Variants in MORN1 observed in about 807,000 individuals in gnomAD.
The protein encoded by MORN1 is MORN repeat-containing protein 1.
A neutral mutation model predicts 61.9 loss-of-function variants in MORN1; 67 were observed. That is an observed-to-expected ratio of 1.08 (90% CI 0.89 to 1.33). The LOEUF (loss-of-function observed/expected upper bound fraction) is 1.33. Ranked by LOEUF, MORN1 falls within the 40% of genes most tolerant of loss-of-function variation. MORN1 has a pLI of 0.00. For synonymous variants in MORN1, 301 were observed against 292.0 expected (o/e 1.03, Z -0.31); for missense variants, 752 against 691.2 (o/e 1.09, Z -0.99).
chr1:2,378,689 G>T (rs781620650), intron 6 of MORN1: 16 of 343,552 alleles, frequency 4.7e-5, no homozygotes, highest in Non-Finnish European at 8.0e-5. Context: ...ACACTCTGAT[G>T]TGCACACACA....
chr1:2,336,411 G>T, intron 12 of MORN1, 58 bp downstream of exon 12: 1 of 1,549,562 alleles, frequency 6.5e-7, no homozygotes, highest in Non-Finnish European at 8.8e-7. Context: ...TGGCCCAGCT[G>T]ATGAGGAGGC....
At chr1:2,336,400 C>G in intron 12 of MORN1, 69 bp downstream of exon 12, 1 of 1,508,822 alleles carries the variant, frequency 6.6e-7, no homozygotes, top group South Asian at 1.2e-5. Context: ...CCCCGTCCTC[C>G]TGGCCCAGCT....
At chr1:2,326,048 T>G (rs1312416388) in intron 12 of MORN1, among the ~76,000 whole-genome samples, 1 of 152,154 alleles carries the variant, frequency 6.6e-6, no homozygotes, top group Non-Finnish European at 1.5e-5. Flanking sequence ...CCCGCCGTCC[T>G]GCCCGCTGTG....
intron 13 of MORN1, 123 bp from the exon 14 acceptor site, chr1:2,321,702 G>C: frequency 7.8e-7 from 1 of 1,284,602 alleles, no homozygotes; most frequent in Non-Finnish European, 1.0e-6. Context: ...GGTCATCTCT[G>C]CCTGGGTTCT....
chr1:2,356,242 G>A (rs1366784019), intron 10 of MORN1, among the ~76,000 whole-genome samples: 1 of 152,200 alleles, frequency 6.6e-6, no homozygotes, highest in African/African-American at 2.4e-5. Context: ...GCTGGGCAGG[G>A]ACATGGCAGG....
At chr1:2,363,811 A>AAT (rs57880730) in intron 8 of MORN1, among the ~76,000 whole-genome samples, 11 of 135,136 alleles carry the variant, frequency 8.1e-5, no homozygotes, top group Non-Finnish European at 1.5e-4. Context: ...CAAACAAAAA[A>AAT]ATATATATAT....
chr1:2,324,590 C>T (rs1447071017), intron 12 of MORN1, among the ~76,000 whole-genome samples: 2 of 152,146 alleles, frequency 1.3e-5, no homozygotes, highest in African/African-American at 2.4e-5. Flanking sequence ...CCAGGAGGCC[C>T]GGCGGTGGTA....
At chr1:2,336,620 C>A in intron 11 of MORN1, 72 bp from the exon 12 acceptor site, 3 of 1,592,070 alleles carry the variant, frequency 1.9e-6, no homozygotes, top group Non-Finnish European at 2.6e-6. Flanking sequence ...TGCTCCAACC[C>A]CCCTGGGGCA....
intron 6 of MORN1, among the ~76,000 whole-genome samples, chr1:2,380,161 A>AG (rs1161967456): frequency 2.0e-5 from 3 of 152,186 alleles, no homozygotes; most frequent in African/African-American, 7.2e-5. Context: ...CACTCACAGG[A>AG]GGCCCTGAGA....
chr1:2,353,585 T>C (rs975082456), intron 10 of MORN1, among the ~76,000 whole-genome samples: 5 of 152,276 alleles, frequency 3.3e-5, no homozygotes, highest in African/African-American at 1.2e-4. Context: ...AAGCCATGAT[T>C]ACTTTAGTTT....
chr1:2,324,424 C>G (rs144435463), intron 12 of MORN1, among the ~76,000 whole-genome samples: 64 of 152,328 alleles, frequency 4.2e-4, no homozygotes, highest in Admixed American at 2.6e-3. Context: ...TGGGACCGAC[C>G]ACCCCATTTC....
intron 6 of MORN1, among the ~76,000 whole-genome samples, chr1:2,379,585 G>T (rs987477849): frequency 7.2e-5 from 11 of 152,198 alleles, no homozygotes; most frequent in Non-Finnish European, 1.5e-4. Context: ...GGCCAGGACT[G>T]GGGGAGACTA....
chr1:2,360,913 G>C (rs2643891), intron 8 of MORN1, among the ~76,000 whole-genome samples: 1 of 152,112 alleles, frequency 6.6e-6, no homozygotes, highest in Non-Finnish European at 1.5e-5. Context: ...TGAGGCAGAC[G>C]GGTCTCCAGC....
intron 2 of MORN1, 61 bp from the exon 3 acceptor site, chr1:2,388,398 G>T: frequency 7.5e-7 from 1 of 1,333,338 alleles, no homozygotes; most frequent in Non-Finnish European, 1.1e-6. Context: ...GAATGACACT[G>T]TGCAGTGTTG....
chr1:2,344,724 G>A (rs991466747), intron 10 of MORN1, among the ~76,000 whole-genome samples: 2 of 152,190 alleles, frequency 1.3e-5, no homozygotes, highest in Non-Finnish European at 2.9e-5. Flanking sequence ...AAGGGGGAGC[G>A]CTGTGCCAAC....
intron 13 of MORN1, chr1:2,322,934 C>T: frequency 2.0e-6 from 2 of 985,426 alleles, no homozygotes; most frequent in Non-Finnish European, 2.4e-6. Flanking sequence ...GTGATCTAGC[C>T]CTGGGCCAGC....
intron 8 of MORN1, among the ~76,000 whole-genome samples, chr1:2,367,306 CAAAAA>C (rs56188781): frequency 4.5e-5 from 6 of 132,802 alleles, no homozygotes; most frequent in Non-Finnish European, 7.9e-5. Flanking sequence ...ATTGCTCTAT[CAAAAA>C]AAAAAAAAAA....
intron 6 of MORN1, 160 bp from the exon 7 acceptor site, chr1:2,374,717 G>A: frequency 1.7e-6 from 1 of 585,616 alleles, no homozygotes; most frequent in East Asian, 2.8e-5. Flanking sequence ...GTCCCTCGGT[G>A]GTGAGAAACT....
At chr1:2,374,055 G>C (rs1642181151) in intron 7 of MORN1, among the ~76,000 whole-genome samples, 1 of 152,204 alleles carries the variant, frequency 6.6e-6, no homozygotes, top group South Asian at 2.1e-4. Flanking sequence ...GCCACCCAGA[G>C]GCCACCAGGA....
Sources: allele counts gnomAD v4.1 joint callset (sites outside exome capture counted in the v4.1 genomes callset), GRCh38; gene constraint gnomAD v4.1.1; transcripts MANE v1.5; gene names NCBI Gene and HGNC (gene_info 2026-07-23, HGNC 2026-07-21).